CEACAM7: variants seen among roughly 807,000 people sequenced by gnomAD.
CEACAM7 encodes the protein cell adhesion molecule CEACAM7.
Under a neutral mutation model 25.7 loss-of-function variants are expected in CEACAM7, and 24 were observed. The observed-to-expected ratio is 0.93, with a 90% CI of 0.68 to 1.31. The LOEUF (loss-of-function observed/expected upper bound fraction) is 1.31, where lower values mean the gene tolerates loss of function less well. Ranked by LOEUF, CEACAM7 falls within the 40% of genes most tolerant of loss-of-function variation. The pLI is 0.00. For synonymous variants in CEACAM7, 144 were observed against 129.4 expected, an observed-to-expected ratio of 1.11 and a Z score of -0.77; for missense variants, 324 against 330.1, an observed-to-expected ratio of 0.98 and a Z score of 0.14.
chr19:41,677,549 C>A, intron 3 of CEACAM7, 46 bp from the exon 4 acceptor site: 1 of 1,431,994 alleles, frequency 7.0e-7, no homozygotes, highest in Non-Finnish European at 9.8e-7. Context: ...TCTTATTTTA[C>A]AGGGAAGTCC....
At chr19:41,686,753 G>A (rs1246317566) in intron 2 of CEACAM7, 106 bp downstream of exon 2, 79 of 1,277,368 alleles carry the variant, frequency 6.2e-5, no homozygotes, top group Non-Finnish European at 8.4e-5. Flanking sequence ...CTCCAACACT[G>A]GATAAAATGT....
chr19:41,674,049 C>G lies in CEACAM7; in HGVS notation c.*727G>C, dbSNP rs2072090367. 1 of 152,200 alleles carries G rather than the reference C, an allele frequency of 6.6e-6. No individual in the cohort carries two copies. The highest frequency in any genetic ancestry group is 1.5e-5 in the Non-Finnish European group (1 of 68,038). The allele number at this position is 152,200 out of a possible 1,614,324, so 9.4% of individuals were successfully genotyped here. The stretch of plus-strand genomic sequence containing the variant: ...GCAGCATATTTGTTAATTTTTGCAA[C>G]TGAGTCTCTATAGTACCCACTGTAT... On this transcript the variant is annotated 3_prime_UTR_variant, in exon 5 of 5. Coordinates refer to ENST00000401731, the MANE Select transcript of CEACAM7 (RefSeq NM_001291485.2).
chr19:41,683,762 A>C, intron 3 of CEACAM7, 23 bp downstream of exon 3: 2 of 1,612,514 alleles, frequency 1.2e-6, no homozygotes, highest in Non-Finnish European at 1.7e-6. Context: ...AGCCTGGGCC[A>C]CAGAGGAACA....
intron 4 of CEACAM7, 125 bp downstream of exon 4, chr19:41,677,251 C>T (rs1475077792): frequency 1.7e-6 from 1 of 575,040 alleles, no homozygotes; most frequent in Non-Finnish European, 3.2e-6. Flanking sequence ...TGCTTAGAAG[C>T]AGGAGTTTAG....
rs10426646 is a variant in CEACAM7 at position 41,679,240 on chromosome 19, G to A, written c.707-1737C>T. ...ATTATGAATAATTATATGCCAACAA[G>A]TTAGAGAACCTGGATGAAATAAATT... On this transcript the variant is annotated intron_variant, in intron 3 of 4. Transcript: ENST00000401731. Among the ~76,000 whole-genome samples, 1,146 of 152,232 alleles carry A rather than the reference G, an allele frequency of 7.5e-3. 7 individuals are homozygous for A. The highest frequency in any genetic ancestry group is 0.025 in the African/African-American group (1,057 of 41,548).
chr19:41,683,863 C>T lies in CEACAM7; in HGVS notation c.628G>A (p.Asp210Asn), dbSNP rs782509312. ...ATTTCACATTCATAGGGTCCTATGT[C>T]ATTCTTTGTGGCGCTGAGTAGAACG... Reference protein sequence around the residue: ...TLVLLSATKNDIGPYECEIQN... With the variant: ...TLVLLSATKNNIGPYECEIQN... Residue 210 changes from aspartate (D) to asparagine (N), a missense_variant, in exon 3 of 5, where the codon GAC becomes AAC. Asp to Asn is a conservative substitution (Grantham distance 23). Transcript: ENST00000401731. 1.9e-6 allele frequency: 3 copies of T among 1,614,088 alleles called. No individual in the cohort carries two copies. Among genetic ancestry groups the T allele is most frequent in the Admixed American group, 3.3e-5 (2 of 60,000 alleles).
chr19:41,680,316 T>G (rs906102594), intron 3 of CEACAM7, among the ~76,000 whole-genome samples: 1 of 151,972 alleles, frequency 6.6e-6, no homozygotes, highest in Non-Finnish European at 1.5e-5. Context: ...TGGAAAGAAA[T>G]TCCATTTTCA....
At position 41,688,134 on chromosome 19, in the gene CEACAM7, ACTC is replaced by A; in HGVS notation, c.29_31del (p.Arg10_Val11delinsMet). 6.2e-7 allele frequency: 1 copy of A among 1,611,084 alleles called. No homozygotes were observed. On this transcript the variant is annotated inframe_deletion, in exon 1 of 5. Coordinates refer to ENST00000401731, the MANE Select transcript of CEACAM7 (RefSeq NM_001291485.2). The stretch of plus-strand genomic sequence containing the variant: ...CAGGAGCCCCTGCCAGGGAATGCAC[ACTC>A]TGTATGGACAGGCTGAAGGGGACCC...
intron 4 of CEACAM7, among the ~76,000 whole-genome samples, chr19:41,676,674 A>G (rs2072116828): frequency 6.6e-6 from 1 of 152,234 alleles, no homozygotes; most frequent in Non-Finnish European, 1.5e-5. Context: ...TCAGGTTCAC[A>G]TACTAATGCT....
chr19:41,683,699 G>C, intron 3 of CEACAM7, 86 bp downstream of exon 3: 3 of 1,552,764 alleles, frequency 1.9e-6, no homozygotes, highest in Non-Finnish European at 2.6e-6. Context: ...TGTGTACTTG[G>C]ACCTGAGAGG....
intron 3 of CEACAM7, 30 bp downstream of exon 3, chr19:41,683,755 C>T (rs782553889): frequency 6.2e-7 from 1 of 1,611,578 alleles, no homozygotes; most frequent in Non-Finnish European, 8.5e-7. Flanking sequence ...GGCTGTCAGC[C>T]TGGGCCACAG....
chr19:41,677,539 T>A (rs1555810254), intron 3 of CEACAM7, 36 bp from the exon 4 acceptor site: 7 of 1,529,666 alleles, frequency 4.6e-6, no homozygotes, highest in Non-Finnish European at 6.3e-6. Context: ...ATGAAGTTGA[T>A]CTTATTTTAC....
Position 41,686,951 on chromosome 19 carries a change from T to A in CEACAM7, c.335A>T (p.Asn112Ile). The A allele has an allele frequency of 6.2e-7, 1 of 1,607,812 alleles. No homozygotes were observed. The highest frequency in any genetic ancestry group is 1.3e-5 in the African/African-American group (1 of 74,572). The change falls in exon 2 of 5, where the codon AAC (asparagine) becomes ATC (isoleucine). Residue 112 changes from asparagine to isoleucine, a missense_variant. Asn to Ile is a moderately radical substitution (Grantham distance 149). Coordinates refer to ENST00000401731, the MANE Select transcript of CEACAM7 (RefSeq NM_001291485.2). The stretch of plus-strand genomic sequence containing the variant: ...GATTCCTGCGTCATTGTGGGTGACG[T>A]TCTGGATCAGCAGGGTTCCATTGGG... ...IYPNGTLLIQ[N>I]VTHNDAGIYT...
intron 3 of CEACAM7, among the ~76,000 whole-genome samples, chr19:41,682,511 C>G (rs530502628): frequency 6.6e-6 from 1 of 152,232 alleles, no homozygotes; most frequent in Non-Finnish European, 1.5e-5. Flanking sequence ...AGGGCTCCCT[C>G]TCTTCCCAGT....
intron 2 of CEACAM7, among the ~76,000 whole-genome samples, chr19:41,684,428 C>A (rs932098987): frequency 7.2e-5 from 11 of 152,210 alleles, no homozygotes; most frequent in African/African-American, 2.7e-4. Flanking sequence ...GAGTTCCTTC[C>A]AGCTGAACAC....
At chr19:41,682,670 A>G (rs34596329) in intron 3 of CEACAM7, among the ~76,000 whole-genome samples, 79,858 of 152,074 alleles carry the variant, frequency 0.53, 21,283 homozygotes, top group Middle Eastern at 0.63. Context: ...GGTGAGCCGG[A>G]AGCAGAGCAG....
chr19:41,683,958 A>G lies in CEACAM7; in HGVS notation c.533T>C (p.Leu178Pro). ...GAGGCTCTGATTGTTTACCCACCAC[A>G]GGTAGGTTGTGTTCTGAGTCTCAGG... ...CQPETQNTTY[L>P]WWVNNQSLLV... The change falls in exon 3 of 5, where the codon CTG becomes CCG. Residue 178 changes from leucine (L) to proline (P), a missense_variant. Coordinates refer to ENST00000401731, the MANE Select transcript of CEACAM7 (RefSeq NM_001291485.2). 1.2e-6 allele frequency: 2 copies of G among 1,614,172 alleles called. No individual in the cohort carries two copies. The highest frequency in any genetic ancestry group is 3.3e-4 in the Middle Eastern group (2 of 6,062).
rs575530554 is a variant in CEACAM7, at chr19:41,676,573, C to A, written c.*36+803G>T. The stretch of plus-strand genomic sequence containing the variant: ...GGCTTTATGTTCCCTGGAGTAGGGA[C>A]CTTGCCTTCTTCATTTCTGTATCTT... On this transcript the variant is annotated intron_variant, in intron 4 of 4. Transcript: ENST00000401731. Among the ~76,000 whole-genome samples the A allele has an allele frequency of 2.0e-5, 3 of 152,236 alleles. No individual in the cohort carries two copies. The South Asian group carries it at 6.2e-4, about 32-fold the overall frequency.
rs188262526 is a variant in CEACAM7 at position 41,676,104 on chromosome 19, T to C, written c.*36+1272A>G. The stretch of plus-strand genomic sequence containing the variant: ...ATACATACCCCTAGCTACAAACCAT[T>C]GATTTAAGCCCAAGTCCTGCTTATC... On this transcript the variant is annotated intron_variant, in intron 4 of 4. Coordinates refer to ENST00000401731, the MANE Select transcript of CEACAM7 (RefSeq NM_001291485.2). Among the ~76,000 whole-genome samples, 27 of 152,340 alleles carry C rather than the reference T, an allele frequency of 1.8e-4. No homozygotes were observed. In the East Asian group the frequency reaches 5.2e-3, roughly 29 times the overall value.
Sources: allele counts gnomAD v4.1 joint callset (sites outside exome capture counted in the v4.1 genomes callset), GRCh38; gene constraint gnomAD v4.1.1; transcripts MANE v1.5; gene names NCBI Gene and HGNC (gene_info 2026-07-23, HGNC 2026-07-21).